Variants in LDB3 observed in about 807,000 individuals in gnomAD.
LDB3 encodes the protein LIM domain binding 3, also known as LIM domain-binding protein 3.
A neutral mutation model predicts 69.0 loss-of-function variants in LDB3; 49 were observed. That is an observed-to-expected ratio of 0.71 (90% CI 0.56 to 0.90). The LOEUF (loss-of-function observed/expected upper bound fraction) is 0.90, where lower values mean the gene tolerates loss of function less well. LDB3 is among the 40% of genes least tolerant of loss of function. The pLI, the probability that LDB3 is intolerant of heterozygous loss-of-function variation, is 0.00. For synonymous variants in LDB3, 387 were observed against 396.2 expected, an observed-to-expected ratio of 0.98 and a Z score of 0.28; for missense variants, 928 against 974.1, an observed-to-expected ratio of 0.95 and a Z score of 0.63.
At chr10:86,720,170 C>T (rs1181575986) in intron 12 of LDB3, among the ~76,000 whole-genome samples, 2 of 152,274 alleles carry the variant, frequency 1.3e-5, no homozygotes, top group South Asian at 2.1e-4. Context: ...TTTGGCTGGG[C>T]GCGGTGGCTC....
Position 86,699,949 on chromosome 10 carries a change from T to C in LDB3, c.897-6582T>C. 5 of 1,003,178 alleles carry C rather than the reference T, an allele frequency of 5.0e-6. No individual in the cohort carries two copies. Among genetic ancestry groups the C allele is most frequent in the Non-Finnish European group, 6.0e-6 (5 of 839,652 alleles). The allele number at this position is 1,003,178 out of a possible 1,614,324, so 62.1% of individuals were successfully genotyped here. ...TCCTGGCAGTGGTGAGGTGGGGGCA[T>C]GCACCCTCCTTTCTGTACCGTGTGT... On this transcript the variant is annotated intron_variant, in intron 7 of 13. Coordinates refer to ENST00000361373, the MANE Select transcript of LDB3 (RefSeq NM_007078.3). The surrounding 1 kb of genome is among the most constrained non-coding windows in gnomAD (Gnocchi z 4.9).
At chr10:86,694,824 T>G (rs1845931219) in intron 7 of LDB3, among the ~76,000 whole-genome samples, 1 of 152,218 alleles carries the variant, frequency 6.6e-6, no homozygotes, top group South Asian at 2.1e-4. Flanking sequence ...TGTCCCACCC[T>G]GGTCCAGGCT....
chr10:86,722,253 C>G (rs1847103693), intron 12 of LDB3, among the ~76,000 whole-genome samples: 1 of 152,092 alleles, frequency 6.6e-6, no homozygotes, highest in African/African-American at 2.4e-5. Context: ...TAAATTCAAG[C>G]CTTTGTTTTG....
intron 12 of LDB3, among the ~76,000 whole-genome samples, chr10:86,724,422 G>T (rs945244855): frequency 6.6e-6 from 1 of 151,832 alleles, no homozygotes; most frequent in Non-Finnish European, 1.5e-5. Context: ...GGCCAACATG[G>T]TGAAGCCCCA....
rs1262553933 is a variant in LDB3, at chr10:86,681,641, G to A, written c.527G>A (p.Gly176Glu). 2 of 1,613,080 alleles carry A rather than the reference G, an allele frequency of 1.2e-6. No homozygotes were observed. Among genetic ancestry groups the A allele is most frequent in the South Asian group, 1.1e-5 (1 of 91,064 alleles). The change falls in exon 5 of 14, where the codon GGG becomes GAG. Residue 176 changes from glycine to glutamate, a missense_variant. By Grantham distance (98) the Gly-to-Glu change is moderately conservative. Transcript: ENST00000361373. ...ASLRAKTSPE[G>E]ARDLLGPKAL... ...CTGAGGGCCAAGACCAGCCCAGAGG[G>A]GGCCCGGGACCTACTCGGCCCAAAA...
chr10:86,709,789 GTC>G lies in LDB3; in HGVS notation c.1086-112_1086-111del, dbSNP rs1472302285. On this transcript the variant is annotated intron_variant, in intron 8 of 13. Transcript: ENST00000361373. ...CAGTTTCTGGCAGTTCCCCAGAAAT[GTC>G]TCTGTCAGGTGTCCTCACAGAGGCT... The G allele has an allele frequency of 1.4e-5, 15 of 1,109,122 alleles. No homozygotes were observed. In the East Asian group the frequency reaches 2.5e-4, roughly 18 times the overall value. The allele number at this position is 1,109,122 out of a possible 1,614,324, so 68.7% of individuals were successfully genotyped here.
Position 86,694,398 on chromosome 10 carries a change from C to T in LDB3, c.896+1827C>T, listed in dbSNP as rs566722532. On this transcript the variant is annotated intron_variant, in intron 7 of 13. Transcript: ENST00000361373. ...CAAAAGGCAGCTTTCGGAGCCTCTCCCCCAGCTACGGCAGGGTTTCATGCT... is the reference window on the plus strand; with the variant it reads ...CAAAAGGCAGCTTTCGGAGCCTCTCTCCCAGCTACGGCAGGGTTTCATGCT... 1.8e-4 allele frequency among the ~76,000 whole-genome samples: 27 copies of T among 152,286 alleles called. No individual in the cohort carries two copies. The East Asian group carries it at 5.2e-3, about 29-fold the overall frequency.
rs755624261 is a variant in LDB3, at chr10:86,681,623, C to T, written c.509C>T (p.Ala170Val). ...GGCCCTCCGCGGGCCAGCCTGAGGG[C>T]CAAGACCAGCCCAGAGGGGGCCCGG... Reference protein sequence around the residue: ...DPGPPRASLRAKTSPEGARDL... With the variant: ...DPGPPRASLRVKTSPEGARDL... The change falls in exon 5 of 14, where the codon GCC (alanine) becomes GTC (valine). Residue 170 changes from alanine (A) to valine (V), a missense_variant. Transcript: ENST00000361373. 1.9e-5 allele frequency: 30 copies of T among 1,613,108 alleles called. No homozygotes were observed. The South Asian group carries it at 3.3e-4, about 18-fold the overall frequency.
intron 8 of LDB3, among the ~76,000 whole-genome samples, chr10:86,707,647 C>A (rs183948256): frequency 1.3e-5 from 2 of 152,178 alleles, no homozygotes; most frequent in Non-Finnish European, 2.9e-5. Flanking sequence ...CTGGCCCCCA[C>A]GGTTTGCTGG....
Position 86,699,276 on chromosome 10 carries a change from A to G in LDB3, c.896+6705A>G. ...CTCTCTCTCTCTCTCTCTGTGCCAC[A>G]GGGAAAGGTTTGAAACGGAACGTAA... On this transcript the variant is annotated intron_variant, in intron 7 of 13. Coordinates refer to ENST00000361373, the MANE Select transcript of LDB3 (RefSeq NM_007078.3). This position sits in a 1 kb window ranked among gnomAD's most constrained non-coding sequence, Gnocchi z 4.9. 2 of 1,613,124 alleles carry G rather than the reference A, an allele frequency of 1.2e-6. No individual in the cohort carries two copies. Among genetic ancestry groups the G allele is most frequent in the Non-Finnish European group, 1.7e-6 (2 of 1,179,752 alleles).
intron 7 of LDB3, among the ~76,000 whole-genome samples, chr10:86,693,426 C>A (rs1845864024): frequency 2.0e-5 from 3 of 152,372 alleles, no homozygotes; most frequent in South Asian, 4.1e-4. Flanking sequence ...CTCAGAGGCA[C>A]CCTCCCATCC....
intron 2 of LDB3, among the ~76,000 whole-genome samples, chr10:86,675,178 G>T (rs1186555568): frequency 7.0e-6 from 1 of 142,458 alleles, no homozygotes; most frequent in Non-Finnish European, 1.6e-5. Context: ...TCCCTTGGGA[G>T]CAAGCATCCC....
chr10:86,675,836 AAAAATGTCTATAAT>A (rs1844765529), intron 2 of LDB3, among the ~76,000 whole-genome samples: 1 of 152,232 alleles, frequency 6.6e-6, no homozygotes, highest in Non-Finnish European at 1.5e-5. Flanking sequence ...AGAAATCTGC[AAAAATGTCTATAAT>A]AAAATGTTGG....
intron 7 of LDB3, among the ~76,000 whole-genome samples, chr10:86,701,154 G>A (rs1327182852): frequency 2.6e-5 from 4 of 152,214 alleles, no homozygotes; most frequent in Admixed American, 2.0e-4. Context: ...TCTGATGCCC[G>A]GGCCAGGCAG....
At chr10:86,700,629 T>C (rs1234881351) in intron 7 of LDB3, among the ~76,000 whole-genome samples, 2 of 152,298 alleles carry the variant, frequency 1.3e-5, no homozygotes, top group Admixed American at 6.5e-5. Flanking sequence ...ACCTGGGTCT[T>C]GCTCCCAGCT....
intron 9 of LDB3, among the ~76,000 whole-genome samples, chr10:86,710,802 T>G (rs1257938619): frequency 6.6e-6 from 1 of 152,218 alleles, no homozygotes; most frequent in Non-Finnish European, 1.5e-5. Context: ...ACAGCAGGGC[T>G]GAGTGTGGGC....
At position 86,681,798 on chromosome 10, in the gene LDB3, A is replaced by C; in HGVS notation, c.684A>C (p.Pro228=). 6.3e-7 allele frequency: 1 copy of C among 1,593,642 alleles called. No individual in the cohort carries two copies. Among genetic ancestry groups the C allele is most frequent in the Non-Finnish European group, 8.5e-7 (1 of 1,171,036 alleles). ...GGAAGGCCTCGGGTGTCGGACTCCC[A>C]GGAGGGTAGGTAACGGACATACAGC... ...LRGKASGVGL[P]GGSLPIKDLA... Residue 228 remains proline (P), a synonymous_variant, in exon 5 of 14, where the codon CCA becomes CCC. Coordinates refer to ENST00000361373, the MANE Select transcript of LDB3 (RefSeq NM_007078.3).
intron 5 of LDB3, among the ~76,000 whole-genome samples, chr10:86,682,087 G>A (rs1273252338): frequency 2.0e-5 from 3 of 152,174 alleles, no homozygotes; most frequent in South Asian, 4.1e-4. Context: ...CCATGTGGCC[G>A]AGCCAGTCCT....
intron 5 of LDB3, among the ~76,000 whole-genome samples, chr10:86,687,889 AAG>A (rs2132400192): frequency 6.6e-6 from 1 of 152,332 alleles, no homozygotes; most frequent in South Asian, 2.1e-4. Flanking sequence ...TTGGTAAAGA[AAG>A]AGTTGGCTGA....
Sources: gnomAD v4.1 joint callset for allele counts (sites outside exome capture counted in the v4.1 genomes callset) on GRCh38, gnomAD v4.1.1 for gene constraint, Gnocchi (gnomAD v3.1) non-coding constraint, MANE v1.5 for transcripts, NCBI Gene and HGNC (gene_info 2026-07-23, HGNC 2026-07-21) for gene names.